The following PRR16 variants were observed in gnomAD, a reference collection of about 807,000 sequenced individuals.
PRR16 encodes proline rich 16, also known as protein Largen.
PRR16 carries 6 observed loss-of-function variants against 18.2 expected under a neutral mutation model. The ratio of observed to expected loss-of-function variants is 0.33; its 90% CI spans 0.18 to 0.65. The LOEUF is 0.65. Ranked by LOEUF, PRR16 falls within the 30% of genes least tolerant of loss-of-function variation. The pLI is 0.74. For synonymous variants in PRR16, 151 were observed against 147.8 expected (o/e 1.02, Z -0.16); for missense variants, 412 against 376.6 (o/e 1.09, Z -0.78).
chr5:120,761,683 T>G, the PRR16 span, among the ~76,000 whole-genome samples: 1 of 152,136 alleles, frequency 6.6e-6, no homozygotes, highest in East Asian at 1.9e-4. Flanking sequence ...AGACAGGGTA[T>G]TAAAGATATA....
Position 120,486,296 on chromosome 5 carries a change from T to G in PRR16, c.159+21651T>G, listed in dbSNP as rs1749797555. On this transcript the variant is annotated intron_variant, in intron 1 of 1. Transcript: ENST00000407149. ...GTAAAAGCGTTCCTGTTTCTCCACA[T>G]CCTCTCCAGCACCTGTTGTTTCCTG... Among the ~76,000 whole-genome samples, 10 of 152,212 alleles carry G rather than the reference T, an allele frequency of 6.6e-5. No homozygotes were observed. In the South Asian group the frequency reaches 2.1e-3, roughly 32 times the overall value.
chr5:120,791,584 C>CATCATCT, the PRR16 span, among the ~76,000 whole-genome samples: 2 of 127,392 alleles, frequency 1.6e-5, no homozygotes, highest in Non-Finnish European at 3.5e-5. Flanking sequence ...GAACTTCTAT[C>CATCATCT]ATCTATCTAT....
chr5:120,493,276 T>C (rs1466465899), intron 1 of PRR16, among the ~76,000 whole-genome samples: 1 of 152,176 alleles, frequency 6.6e-6, no homozygotes, highest in Non-Finnish European at 1.5e-5. Context: ...TGGTATATCA[T>C]TGTGGTTTTA....
chr5:120,662,211 G>C (rs1418769344), intron 1 of PRR16, among the ~76,000 whole-genome samples: 1 of 152,020 alleles, frequency 6.6e-6, no homozygotes, highest in Non-Finnish European at 1.5e-5. Context: ...TTTTAAAATA[G>C]TTTCTTACCT....
intron 1 of PRR16, among the ~76,000 whole-genome samples, chr5:120,492,293 T>TGTGTGTGG (rs1554077904): frequency 6.6e-5 from 7 of 106,524 alleles, no homozygotes; most frequent in African/African-American, 1.9e-4. Flanking sequence ...TGTGTGTGTG[T>TGTGTGTGG]GTGTGTGGAG....
chr5:120,672,691 A>T (rs1416688083), intron 1 of PRR16, among the ~76,000 whole-genome samples: 1 of 152,122 alleles, frequency 6.6e-6, no homozygotes, highest in Non-Finnish European at 1.5e-5. Flanking sequence ...TGCTTGCAGA[A>T]TATTTTTTAT....
the PRR16 span, among the ~76,000 whole-genome samples, chr5:120,709,945 G>T: frequency 6.6e-6 from 1 of 152,138 alleles, no homozygotes. Flanking sequence ...CAGGAGCATA[G>T]ATATGTCTTC....
intron 1 of PRR16, among the ~76,000 whole-genome samples, chr5:120,522,431 A>G (rs1263669390): frequency 6.6e-6 from 1 of 152,218 alleles, no homozygotes; most frequent in Non-Finnish European, 1.5e-5. Context: ...AGTGATGATC[A>G]GCATTTTTTC....
At chr5:120,711,588 T>A in the PRR16 span, among the ~76,000 whole-genome samples, 1 of 152,204 alleles carries the variant, frequency 6.6e-6, no homozygotes, top group Non-Finnish European at 1.5e-5. Flanking sequence ...TCATAAAACT[T>A]AGATATGCGA....
At chr5:120,687,324 GA>G (rs1392634811), downstream of PRR16, 1 of 152,094 alleles carries the variant, frequency 6.6e-6, no homozygotes, top group Admixed American at 6.6e-5. Context: ...ATGTTCCTCA[GA>G]ATTAAAATGA....
At chr5:120,533,698 A>T (rs1004802770) in intron 1 of PRR16, among the ~76,000 whole-genome samples, 1 of 152,166 alleles carries the variant, frequency 6.6e-6, no homozygotes, top group Non-Finnish European at 1.5e-5. Flanking sequence ...GAGCAAGGAG[A>T]TGTTTTCACT....
chr5:120,519,588 G>A (rs1751107355), intron 1 of PRR16, among the ~76,000 whole-genome samples: 1 of 152,092 alleles, frequency 6.6e-6, no homozygotes, highest in Non-Finnish European at 1.5e-5. Context: ...ATCATATGAT[G>A]TTAAAAGGCC....
the PRR16 span, among the ~76,000 whole-genome samples, chr5:120,768,556 T>TA: frequency 2.6e-5 from 4 of 151,710 alleles, no homozygotes; most frequent in East Asian, 7.7e-4. Flanking sequence ...CCTGAATTAA[T>TA]ACTCAATAAG....
intron 1 of PRR16, among the ~76,000 whole-genome samples, chr5:120,609,565 T>A (rs993623746): frequency 3.9e-5 from 6 of 152,204 alleles, no homozygotes; most frequent in African/African-American, 1.4e-4. Flanking sequence ...GAAAAGTTTC[T>A]CAGTAATATT....
At chr5:120,618,991 C>G (rs773461026) in intron 1 of PRR16, among the ~76,000 whole-genome samples, 1 of 152,072 alleles carries the variant, frequency 6.6e-6, no homozygotes, top group African/African-American at 2.4e-5. Context: ...GCTGTAGGCC[C>G]AGCTTTTCCC....
At chr5:120,545,543 A>G (rs1006208942) in intron 1 of PRR16, among the ~76,000 whole-genome samples, 1 of 152,080 alleles carries the variant, frequency 6.6e-6, no homozygotes, top group Non-Finnish European at 1.5e-5. Context: ...AAAAATTATT[A>G]AACATATATA....
At chr5:120,533,559 A>G (rs542779115) in intron 1 of PRR16, among the ~76,000 whole-genome samples, 1 of 152,290 alleles carries the variant, frequency 6.6e-6, no homozygotes, top group Non-Finnish European at 1.5e-5. Context: ...AAAGATTTTA[A>G]GGCCAGGGAG....
chr5:120,652,280 C>A (rs1310554609), intron 1 of PRR16, among the ~76,000 whole-genome samples: 1 of 151,880 alleles, frequency 6.6e-6, no homozygotes, highest in Non-Finnish European at 1.5e-5. Context: ...TGAATTGGAC[C>A]TGTGGTAAAT....
intron 1 of PRR16, among the ~76,000 whole-genome samples, chr5:120,558,517 T>C (rs1397418961): frequency 6.6e-6 from 1 of 151,996 alleles, no homozygotes; most frequent in Non-Finnish European, 1.5e-5. Flanking sequence ...CCGTTGTGTA[T>C]AAGTACCACC....
Sources: gnomAD v4.1 joint callset for allele counts (sites outside exome capture counted in the v4.1 genomes callset) on GRCh38, gnomAD v4.1.1 for gene constraint, MANE v1.5 for transcripts, NCBI Gene and HGNC (gene_info 2026-07-23, HGNC 2026-07-21) for gene names.